Variants in RASGRP1 observed in about 807,000 individuals in gnomAD.
RASGRP1 encodes the protein RAS guanyl releasing protein 1.
In RASGRP1, 37 loss-of-function variants were observed where a neutral mutation model predicts 95.1. The observed-to-expected ratio is 0.39, with a 90% CI of 0.30 to 0.51. RASGRP1 has a LOEUF of 0.51. RASGRP1 is among the 20% of genes least tolerant of loss of function. RASGRP1 has a pLI of 0.80. For synonymous variants in RASGRP1, 325 were observed against 353.4 expected (o/e 0.92, Z 0.90); for missense variants, 711 against 965.4 (o/e 0.74, Z 3.49).
intron 2 of RASGRP1, among the ~76,000 whole-genome samples, chr15:38,528,981 C>A (rs1321928996): frequency 1.3e-5 from 2 of 152,192 alleles, no homozygotes; most frequent in Non-Finnish European, 2.9e-5. Flanking sequence ...CACCAACCAT[C>A]CTCTCAGTTA....
intron 3 of RASGRP1, among the ~76,000 whole-genome samples, 200 bp downstream of exon 3, chr15:38,526,099 A>T (rs985058282): frequency 2.6e-5 from 4 of 152,150 alleles, no homozygotes; most frequent in African/African-American, 9.7e-5. Context: ...AGCAATCAGC[A>T]TCAATAACAT....
chr15:38,491,319 G>GTTGT (rs1220044603), intron 16 of RASGRP1, among the ~76,000 whole-genome samples: 1 of 152,104 alleles, frequency 6.6e-6, no homozygotes, highest in Admixed American at 6.5e-5. Flanking sequence ...GATACACTGG[G>GTTGT]TTGTTTCTCA....
chr15:38,559,411 T>C (rs1893716264), intron 2 of RASGRP1, among the ~76,000 whole-genome samples: 2 of 152,250 alleles, frequency 1.3e-5, no homozygotes, highest in South Asian at 2.1e-4. Context: ...AGGGGAATTA[T>C]TGGGACTTTA....
Position 38,516,331 on chromosome 15 carries a change from T to C in RASGRP1, c.541A>G (p.Arg181Gly). Residue 181 changes from arginine (R) to glycine (G), a missense_variant, in exon 6 of 17, where the codon AGG (arginine) becomes GGG (glycine). Coordinates refer to ENST00000310803, the MANE Select transcript of RASGRP1 (RefSeq NM_005739.4). ...GATTTTATCCTTTGAGTAAGTTTCC[T>C]GGACCAGTCACGGGCATTGCTTTTG... ...TTQINARDWSRKLTQRIKSNT... is the reference protein window; with the variant it reads ...TTQINARDWSGKLTQRIKSNT... 1 of 1,611,352 alleles carries C rather than the reference T, an allele frequency of 6.2e-7. No homozygotes were observed. The highest frequency in any genetic ancestry group is 8.5e-7 in the Non-Finnish European group (1 of 1,177,528).
chr15:38,503,332 A>G lies in RASGRP1; in HGVS notation c.1368T>C (p.Ser456=), dbSNP rs1278935952. 2.5e-6 allele frequency: 4 copies of G among 1,612,606 alleles called. No homozygotes were observed. In the East Asian group the frequency reaches 6.7e-5, roughly 27 times the overall value. Residue 456 remains serine, a synonymous_variant, in exon 11 of 17, where the codon TCT becomes TCC. Coordinates refer to ENST00000310803, the MANE Select transcript of RASGRP1 (RefSeq NM_005739.4). ...SKPPVVVDWA[S]GVSPKPDPKT... The stretch of plus-strand genomic sequence containing the variant: ...TTGGATCAGGTTTGGGAGACACTCC[A>G]GAAGCCCAGTCCACTACTACTGGTG...
chr15:38,531,025 G>C (rs188074980), intron 2 of RASGRP1, among the ~76,000 whole-genome samples: 140 of 152,260 alleles, frequency 9.2e-4, no homozygotes, highest in Admixed American at 1.8e-3. Context: ...CCATCACAGA[G>C]ATATTAAAAA....
chr15:38,519,368 A>G lies in RASGRP1; in HGVS notation c.330T>C (p.Tyr110=). 1.3e-6 allele frequency: 2 copies of G among 1,521,504 alleles called. No homozygotes were observed. The highest frequency in any genetic ancestry group is 2.3e-5 in the South Asian group (2 of 88,290). The allele number at this position is 1,521,504 out of a possible 1,614,324, so 94.3% of individuals were successfully genotyped here. Residue 110 remains tyrosine, a synonymous_variant, in exon 4 of 17, where the codon TAT becomes TAC. Transcript: ENST00000310803. ...AELLQKVITL[Y]KDALAKNSPG... ...GTGAATTCTTTGCCAAAGCATCCTT[A>G]TAGGTAGGGCTGTGGTTAAGGGAAA...
At chr15:38,557,475 A>G (rs1240569879) in intron 2 of RASGRP1, among the ~76,000 whole-genome samples, 1 of 152,118 alleles carries the variant, frequency 6.6e-6, no homozygotes, top group African/African-American at 2.4e-5. Context: ...GACTTGAACA[A>G]ATGGTGGCTG....
chr15:38,537,383 G>A (rs1203857945), intron 2 of RASGRP1, among the ~76,000 whole-genome samples: 4 of 152,190 alleles, frequency 2.6e-5, no homozygotes, highest in East Asian at 1.9e-4. Flanking sequence ...AAGCAGGCAC[G>A]TCACATGGTG....
rs775093139 is a variant in RASGRP1 at position 38,494,324 on chromosome 15, G to C, written c.2259+58C>G. The stretch of plus-strand genomic sequence containing the variant: ...ATCTTCAGTCCACATGCTCTTTCCT[G>C]GTTTGGCCCCACTTCTCTAAGATAG... On this transcript the variant is annotated intron_variant, in intron 16 of 16. Transcript: ENST00000310803. 5 of 1,583,252 alleles carry C rather than the reference G, an allele frequency of 3.2e-6. No homozygotes were observed. The Admixed American group carries it at 6.8e-5, about 21-fold the overall frequency.
intron 2 of RASGRP1, among the ~76,000 whole-genome samples, chr15:38,530,785 T>C (rs147159433): frequency 6.6e-6 from 1 of 152,320 alleles, no homozygotes; most frequent in East Asian, 1.9e-4. Context: ...AAGTCACCTA[T>C]GGAAGGATTC....
At chr15:38,547,157 T>C (rs1304710802) in intron 2 of RASGRP1, among the ~76,000 whole-genome samples, 3 of 152,204 alleles carry the variant, frequency 2.0e-5, no homozygotes, top group Non-Finnish European at 4.4e-5. Context: ...GCTTTGAAAC[T>C]GTTTATGTGG....
intron 2 of RASGRP1, among the ~76,000 whole-genome samples, chr15:38,544,862 C>T (rs1261890806): frequency 1.3e-5 from 2 of 152,202 alleles, no homozygotes; most frequent in African/African-American, 2.4e-5. Context: ...TTATTTTATC[C>T]ACAATCACAT....
intron 2 of RASGRP1, among the ~76,000 whole-genome samples, chr15:38,542,824 CATATATATGTGTATAT>C (rs1274539423): frequency 6.3e-3 from 615 of 97,378 alleles, no homozygotes; most frequent in East Asian, 8.3e-3. Context: ...CAGATATATA[CATATATATGTGTATAT>C]ATATATATGT....
In RASGRP1 at chr15:38,489,840, C is replaced by T. The variant is rs908416317; in HGVS notation, c.*714G>A. ...AGACAGTAATATGAGATGGTAATAG[C>T]TATGTTTCCAGGTACCTAATTTGAT... On this transcript the variant is annotated 3_prime_UTR_variant, in exon 17 of 17. Transcript: ENST00000310803. The T allele has an allele frequency of 1.3e-5, 2 of 151,826 alleles. No homozygotes were observed. Among genetic ancestry groups the T allele is most frequent in the Non-Finnish European group, 2.9e-5 (2 of 67,876 alleles). The allele number at this position is 151,826 out of a possible 1,614,324, so 9.4% of individuals were successfully genotyped here.
Position 38,498,853 on chromosome 15 carries a change from T to G in RASGRP1, c.1814A>C (p.Asn605Thr). 5 of 1,613,904 alleles carry G rather than the reference T, an allele frequency of 3.1e-6. No homozygotes were observed. The highest frequency in any genetic ancestry group is 2.2e-5 in the South Asian group (2 of 91,066). Residue 605 changes from asparagine (N) to threonine (T), a missense_variant, in exon 15 of 17, where the codon AAC becomes ACC. Physicochemically the swap from Asn to Thr is moderately conservative, Grantham distance 65 (BLOSUM62 0). Transcript: ENST00000310803. ...AKNPVAPTEN[N>T]TSVGPVSNLC... Reference sequence around the variant, plus strand: ...GTTGGACACTGGCCCCACAGAAGTGTTGTTCTCTGTGGGAGCTACTGGGTT... The same window carrying G: ...GTTGGACACTGGCCCCACAGAAGTGGTGTTCTCTGTGGGAGCTACTGGGTT...
intron 3 of RASGRP1, among the ~76,000 whole-genome samples, chr15:38,522,748 G>A (rs556026600): frequency 6.6e-6 from 1 of 152,248 alleles, no homozygotes; most frequent in African/African-American, 2.4e-5. Flanking sequence ...AGTGAGGAAG[G>A]GAAAGGGTTT....
intron 2 of RASGRP1, among the ~76,000 whole-genome samples, chr15:38,558,260 C>T (rs1053412416): frequency 5.3e-5 from 8 of 152,020 alleles, no homozygotes; most frequent in Admixed American, 2.0e-4. Context: ...CGCGCCTCCC[C>T]GGTCTCCACC....
At chr15:38,521,734 T>C (rs1210431057) in intron 3 of RASGRP1, among the ~76,000 whole-genome samples, 2 of 152,206 alleles carry the variant, frequency 1.3e-5, no homozygotes. Flanking sequence ...AAAGTACCAG[T>C]ACAGTTCTGA....
Sources: gnomAD v4.1 joint callset for allele counts (sites outside exome capture counted in the v4.1 genomes callset) on GRCh38, gnomAD v4.1.1 for gene constraint, MANE v1.5 for transcripts, NCBI Gene and HGNC (gene_info 2026-07-23, HGNC 2026-07-21) for gene names.